The following KLF8 variants were observed in gnomAD, a reference collection of about 807,000 sequenced individuals.
KLF8 encodes the protein Krueppel-like factor 8.
Under a neutral mutation model 18.2 loss-of-function variants are expected in KLF8, and 10 were observed. The ratio of observed to expected loss-of-function variants is 0.55; its 90% confidence interval spans 0.34 to 0.93. The LOEUF is 0.93. Among genes scored for constraint, KLF8 ranks in the 40% least tolerant of loss-of-function variants. The probability of loss-of-function intolerance (pLI) is 0.02; values close to 1 mark genes in which losing one functional copy is unlikely to be tolerated. For synonymous variants in KLF8, 109 were observed against 97.3 expected, an observed-to-expected ratio of 1.12 and a Z score of -0.71; for missense variants, 264 against 277.9, an observed-to-expected ratio of 0.95 and a Z score of 0.36.
the KLF8 span, among the ~76,000 whole-genome samples, chrX:56,171,834 C>T: frequency 2.7e-5 from 3 of 111,752 alleles, no homozygotes; most frequent in Non-Finnish European, 5.6e-5. Flanking sequence ...AATAAACATA[C>T]GTGTGCATGT....
chrX:56,200,355 A>G, the KLF8 span, among the ~76,000 whole-genome samples: 3 of 109,929 alleles, frequency 2.7e-5, no homozygotes, highest in African/African-American at 1.0e-4. Flanking sequence ...TTAAATATAA[A>G]ACATATAAAA....
chrX:56,161,537 C>T, the KLF8 span, among the ~76,000 whole-genome samples: 1 of 112,033 alleles, frequency 8.9e-6, no homozygotes, highest in Non-Finnish European at 1.9e-5. Flanking sequence ...ATCACTGATA[C>T]CCTTTCTTCC....
At chrX:56,216,625 C>A in the KLF8 span, among the ~76,000 whole-genome samples, 2 of 109,933 alleles carry the variant, frequency 1.8e-5, no homozygotes, top group East Asian at 2.8e-4. Context: ...ATCCTCCAAC[C>A]TTGACCTCCC....
At chrX:55,944,816 G>T in the KLF8 span, among the ~76,000 whole-genome samples, 8 of 111,013 alleles carry the variant, frequency 7.2e-5, no homozygotes, top group Admixed American at 5.8e-4. Context: ...AGGGTTTTTT[G>T]TGTCTCTATT....
the KLF8 span, among the ~76,000 whole-genome samples, chrX:55,950,104 G>A: frequency 5.4e-5 from 6 of 111,425 alleles, no homozygotes; most frequent in Non-Finnish European, 1.9e-5. Flanking sequence ...TGGAACTGAA[G>A]TATTTTGGCT....
At chrX:56,157,072 A>G in the KLF8 span, among the ~76,000 whole-genome samples, 1 of 108,157 alleles carries the variant, frequency 9.2e-6, no homozygotes, top group Non-Finnish European at 1.9e-5. Context: ...GGATGAGTTC[A>G]TGTCCTTTGT....
the KLF8 span, among the ~76,000 whole-genome samples, chrX:55,944,993 C>T: frequency 4.5e-5 from 5 of 111,107 alleles, no homozygotes; most frequent in African/African-American, 1.6e-4. Context: ...CCTCTACACA[C>T]TGCTTTGTAT....
chrX:56,266,757 G>T lies in KLF8; in HGVS notation c.646+1013G>T, dbSNP rs907740604. 6 of 750,569 alleles carry T rather than the reference G, an allele frequency of 8.0e-6. No homozygotes were observed. In the African/African-American group the frequency reaches 1.4e-4, roughly 18 times the overall value. The allele number at this position is 750,569 out of a possible 1,213,427, so 61.9% of individuals were successfully genotyped here. ...TTTGCATAAATCGGAAAGGCCAAGG[G>T]GTGGAAATGACTAGGAAGCAGATTT... On this transcript the variant is annotated intron_variant, in intron 3 of 5. Coordinates refer to ENST00000468660, the MANE Select transcript of KLF8 (RefSeq NM_007250.5).
At chrX:56,143,210 C>T in the KLF8 span, among the ~76,000 whole-genome samples, 1 of 111,392 alleles carries the variant, frequency 9.0e-6, no homozygotes, top group Non-Finnish European at 1.9e-5. Flanking sequence ...CGTCTCAGGC[C>T]CCTTTCATTA....
chrX:55,979,306 C>T, the KLF8 span, among the ~76,000 whole-genome samples: 2 of 111,781 alleles, frequency 1.8e-5, no homozygotes, highest in African/African-American at 6.5e-5. Context: ...ATCTCTTTGC[C>T]CAGCTTATCC....
At chrX:55,969,077 G>C in the KLF8 span, among the ~76,000 whole-genome samples, 5 of 111,589 alleles carry the variant, frequency 4.5e-5, no homozygotes, top group South Asian at 3.8e-4. Context: ...AGGAACATTG[G>C]ACTTAATCTG....
the KLF8 span, among the ~76,000 whole-genome samples, chrX:56,137,741 T>G: frequency 2.9e-5 from 3 of 104,264 alleles, no homozygotes; most frequent in African/African-American, 1.1e-4. Context: ...ACCCTAAAAC[T>G]TAAAGTATAA....
chrX:56,261,897 G>A (rs954593241), intron 2 of KLF8, among the ~76,000 whole-genome samples: 1 of 111,873 alleles, frequency 8.9e-6, no homozygotes, highest in Non-Finnish European at 1.9e-5. Flanking sequence ...GGTCAACCTT[G>A]AGACCTACTT....
chrX:56,023,682 T>G, the KLF8 span, among the ~76,000 whole-genome samples: 7 of 111,549 alleles, frequency 6.3e-5, no homozygotes, highest in South Asian at 1.5e-3. Flanking sequence ...CTTTGATTGT[T>G]GCAAGAGTTT....
rs1050502377 is a variant in KLF8, at chrX:56,265,282, C to G, written c.184C>G (p.Leu62Val). The G allele has an allele frequency of 1.7e-6, 2 of 1,206,178 alleles. No individual in the cohort carries two copies. The highest frequency in any genetic ancestry group is 2.2e-6 in the Non-Finnish European group (2 of 893,020). Residue 62 changes from leucine (L) to valine (V), a missense_variant, in exon 3 of 6, where the codon CTG (leucine) becomes GTG (valine). Around this residue, in one of 2 missense-constraint regions of KLF8, gnomAD observed 221 missense variants for 193.6 expected, o/e 1.14. Transcript: ENST00000468660. ...TGCCAACCCCATGGAGAACCCAGCA[C>G]TGTTTAATGACATCAAGATTGAGCC... Reference protein sequence around the residue: ...LDANPMENPALFNDIKIEPPE... With the variant: ...LDANPMENPAVFNDIKIEPPE...
chrX:56,129,146 G>GA, the KLF8 span, among the ~76,000 whole-genome samples: 10 of 111,994 alleles, frequency 8.9e-5, no homozygotes, highest in Non-Finnish European at 1.1e-4. Context: ...TGTTATATCT[G>GA]AAAAAAGTGG....
chrX:56,049,081 G>T, the KLF8 span, among the ~76,000 whole-genome samples: 1 of 111,729 alleles, frequency 9.0e-6, no homozygotes, highest in Non-Finnish European at 1.9e-5. Context: ...TGTTATTAGT[G>T]CATAAGAATG....
chrX:55,973,838 C>T, the KLF8 span, among the ~76,000 whole-genome samples: 1 of 111,689 alleles, frequency 9.0e-6, no homozygotes, highest in Non-Finnish European at 1.9e-5. Context: ...TCTGGATATA[C>T]ACCCAAAAGA....
chrX:56,190,442 G>A, the KLF8 span, among the ~76,000 whole-genome samples: 12 of 111,461 alleles, frequency 1.1e-4, no homozygotes, highest in Non-Finnish European at 2.3e-4. Flanking sequence ...AATCAACAAA[G>A]AATAATCAAA....
Sources: gnomAD v4.1 joint callset for allele counts (sites outside exome capture counted in the v4.1 genomes callset) on GRCh38, gnomAD v4.1.1 for gene constraint, gnomAD v4.1.1 regional missense constraint, MANE v1.5 for transcripts, NCBI Gene and HGNC (gene_info 2026-07-23, HGNC 2026-07-21) for gene names.